The following PIWIL4 variants were observed in gnomAD, a reference collection of about 807,000 sequenced individuals.
The protein encoded by PIWIL4 is piwi like RNA-mediated gene silencing 4, also known as piwi-like protein 4.
PIWIL4 carries 50 observed loss-of-function variants against 100.9 expected under a neutral mutation model. The observed-to-expected ratio is 0.50, with a 90% CI of 0.39 to 0.63. The LOEUF is 0.63. Among genes scored for constraint, PIWIL4 ranks in the 20% least tolerant of loss-of-function variants. The probability of loss-of-function intolerance (pLI) is 0.00; values close to 1 mark genes in which losing one functional copy is unlikely to be tolerated. For missense variants in PIWIL4, 887 were observed against 1,043.3 expected (o/e 0.85, Z 2.06); for synonymous variants, 342 against 367.5 (o/e 0.93, Z 0.79).
At chr11:94,620,296 T>C in intron 19 of PIWIL4, 152 bp downstream of exon 19, 1 of 933,334 alleles carries the variant, frequency 1.1e-6, no homozygotes, top group Non-Finnish European at 1.5e-6. Flanking sequence ...AATGAATGAA[T>C]CACTTCTTGA....
chr11:94,571,444 C>T (rs564102816), intron 2 of PIWIL4, among the ~76,000 whole-genome samples: 36 of 152,142 alleles, frequency 2.4e-4, no homozygotes, highest in Non-Finnish European at 4.6e-4. Flanking sequence ...CCTTCACCCA[C>T]CCCACGACAG....
chr11:94,577,556 C>T (rs1319549962), intron 4 of PIWIL4, 64 bp downstream of exon 4: 6 of 1,237,156 alleles, frequency 4.8e-6, no homozygotes, highest in East Asian at 2.4e-5. Flanking sequence ...TGTATACACA[C>T]ACACATATAT....
intron 11 of PIWIL4, 38 bp downstream of exon 11, chr11:94,597,953 A>G (rs1490731265): frequency 6.6e-7 from 1 of 1,505,202 alleles, no homozygotes; most frequent in Non-Finnish European, 9.2e-7. Context: ...AAAAGTATTT[A>G]CTTGAATATG....
chr11:94,600,451 A>G (rs1293141767), intron 11 of PIWIL4, among the ~76,000 whole-genome samples: 1 of 152,212 alleles, frequency 6.6e-6, no homozygotes, highest in Non-Finnish European at 1.5e-5. Context: ...AGTTTTTATT[A>G]GGGATTTTCA....
intron 18 of PIWIL4, 34 bp from the exon 19 acceptor site, chr11:94,619,963 T>TTC: frequency 6.2e-7 from 1 of 1,614,154 alleles, no homozygotes; most frequent in Non-Finnish European, 8.5e-7. Flanking sequence ...TCTGTTTGCC[T>TTC]TCTTTCCTAC....
rs540653258 is a variant in PIWIL4 at position 94,621,030 on chromosome 11, A to G, written c.*38A>G. On this transcript the variant is annotated 3_prime_UTR_variant, in exon 20 of 20. Coordinates refer to ENST00000299001, the MANE Select transcript of PIWIL4 (RefSeq NM_152431.3). The stretch of plus-strand genomic sequence containing the variant: ...CTGGCATCACTAGATGGACAATCCA[A>G]GAAGAAATTGGTATACTTTGTGCAA... 2.1e-6 allele frequency: 3 copies of G among 1,448,920 alleles called. No homozygotes were observed. Among genetic ancestry groups the G allele is most frequent in the Non-Finnish European group, 2.9e-6 (3 of 1,030,700 alleles). The allele number at this position is 1,448,920 out of a possible 1,614,324, so 89.8% of individuals were successfully genotyped here. A position where few individuals can be genotyped will look rare whatever the true frequency, so the allele number is the denominator to read the frequency against.
intron 11 of PIWIL4, among the ~76,000 whole-genome samples, chr11:94,601,075 C>T (rs373618917): frequency 5.3e-5 from 8 of 150,022 alleles, no homozygotes; most frequent in African/African-American, 1.5e-4. Context: ...GCATCCTCCT[C>T]GGCTTACGAG....
chr11:94,603,926 T>C lies in PIWIL4; in HGVS notation c.1566-58T>C, dbSNP rs61124264. ...TATTTGTATTATTTCTAATGCCATA[T>C]AAGTATGTGCTACTAAGAAGGAAGT... On this transcript the variant is annotated intron_variant, in intron 12 of 19. Coordinates refer to ENST00000299001, the MANE Select transcript of PIWIL4 (RefSeq NM_152431.3). 6,707 of 1,040,598 alleles carry C rather than the reference T, an allele frequency of 6.4e-3. 329 individuals carry two copies. The African/African-American group carries it at 0.096, about 15-fold the overall frequency. The allele number at this position is 1,040,598 out of a possible 1,614,324, so 64.5% of individuals were successfully genotyped here.
At chr11:94,572,958 A>T (rs1010249824) in intron 2 of PIWIL4, among the ~76,000 whole-genome samples, 2 of 151,998 alleles carry the variant, frequency 1.3e-5, no homozygotes, top group Admixed American at 1.3e-4. Flanking sequence ...ATCCTCTTTT[A>T]TTTCGTTGAG....
Position 94,583,448 on chromosome 11 carries a change from GT to G in PIWIL4, c.515del (p.Val172AlafsTer14). ...CATATTAAGTACCTCTTTTTCCCAGGTCACAGAGTTGTCAAGTGAAACTCAA... is the reference window on the plus strand; with the variant it reads ...CATATTAAGTACCTCTTTTTCCCAGGCACAGAGTTGTCAAGTGAAACTCAA... ...LFLSQKLEEK[V>X]TELSSETQRG... On this transcript the variant is annotated frameshift_variant and splice_region_variant, in exon 5 of 20. Transcript: ENST00000299001. LOFTEE classifies it high-confidence loss of function. The G allele has an allele frequency of 6.2e-7, 1 of 1,613,028 alleles. No homozygotes were observed. Among genetic ancestry groups the G allele is most frequent in the Non-Finnish European group, 8.5e-7 (1 of 1,179,376 alleles).
chr11:94,573,342 A>C (rs962832501), intron 2 of PIWIL4, among the ~76,000 whole-genome samples: 1 of 152,204 alleles, frequency 6.6e-6, no homozygotes, highest in Non-Finnish European at 1.5e-5. Flanking sequence ...AGGAGTGGTG[A>C]GAGAGGGCAT....
chr11:94,575,407 C>G (rs1180526302), intron 3 of PIWIL4, among the ~76,000 whole-genome samples: 2 of 152,120 alleles, frequency 1.3e-5, no homozygotes, highest in Admixed American at 1.3e-4. Context: ...TCTTCTCTTT[C>G]CCAACATGGG....
rs1217361003 is a variant in PIWIL4 at position 94,617,131 on chromosome 11, A to G, written c.2014+568A>G. Among the ~76,000 whole-genome samples, 8 of 152,152 alleles carry G rather than the reference A, an allele frequency of 5.3e-5. 1 individual carries two copies. The highest frequency in any genetic ancestry group is 1.0e-4 in the Non-Finnish European group (7 of 68,020). ...TCCCTCTCCTGATCTGCATTTTCCC[A>G]TCTGTAAATTTGGGAGTATTGTAAA... On this transcript the variant is annotated intron_variant, in intron 16 of 19. Coordinates refer to ENST00000299001, the MANE Select transcript of PIWIL4 (RefSeq NM_152431.3).
intron 9 of PIWIL4, among the ~76,000 whole-genome samples, chr11:94,593,961 G>A (rs1948520506): frequency 6.6e-6 from 1 of 152,178 alleles, no homozygotes; most frequent in Non-Finnish European, 1.5e-5. Context: ...TATCAGTAGA[G>A]TGGTGCCAGA....
chr11:94,581,582 C>G (rs1424926995), intron 4 of PIWIL4, among the ~76,000 whole-genome samples: 5 of 152,144 alleles, frequency 3.3e-5, no homozygotes, highest in Non-Finnish European at 7.4e-5. Flanking sequence ...AGAGCATTTC[C>G]ATGGCAGCTG....
At chr11:94,609,231 C>A (rs1194826800) in intron 15 of PIWIL4, among the ~76,000 whole-genome samples, 1 of 152,154 alleles carries the variant, frequency 6.6e-6, no homozygotes, top group African/African-American at 2.4e-5. Context: ...AGTAAATACT[C>A]AATACATACT....
intron 3 of PIWIL4, among the ~76,000 whole-genome samples, chr11:94,575,770 G>A (rs954136478): frequency 3.3e-5 from 5 of 152,054 alleles, no homozygotes; most frequent in South Asian, 2.1e-4. Context: ...TTAAACATGC[G>A]ATTCACCTCA....
intron 2 of PIWIL4, among the ~76,000 whole-genome samples, chr11:94,572,826 A>C (rs1227829596): frequency 6.6e-6 from 1 of 152,230 alleles, no homozygotes; most frequent in African/African-American, 2.4e-5. Context: ...TTCTGTGAAG[A>C]AAGTCATTGG....
intron 13 of PIWIL4, among the ~76,000 whole-genome samples, chr11:94,606,703 A>G (rs1948723279): frequency 6.6e-6 from 1 of 151,984 alleles, no homozygotes; most frequent in South Asian, 2.1e-4. Flanking sequence ...GCGTGGTGGC[A>G]GGCGCCTGTA....
Sources: gnomAD v4.1 joint callset for allele counts (sites outside exome capture counted in the v4.1 genomes callset) on GRCh38, gnomAD v4.1.1 for gene constraint, MANE v1.5 for transcripts, NCBI Gene and HGNC (gene_info 2026-07-23, HGNC 2026-07-21) for gene names.